GSN: variants seen among roughly 807,000 people sequenced by gnomAD.
GSN encodes gelsolin.
GSN carries 56 observed loss-of-function variants against 85.7 expected under a neutral mutation model. The observed-to-expected ratio is 0.65, with a 90% CI of 0.53 to 0.82. The LOEUF is 0.82. Ranked by LOEUF, GSN falls within the 40% of genes least tolerant of loss-of-function variation. The pLI, the probability that GSN is intolerant of heterozygous loss-of-function variation, is 0.00. For synonymous variants in GSN, 373 were observed against 399.1 expected, an observed-to-expected ratio of 0.93 and a Z score of 0.78; for missense variants, 857 against 979.8, an observed-to-expected ratio of 0.87 and a Z score of 1.67.
At chr9:121,218,499 A>T (rs899806473) in intron 4 of GSN, among the ~76,000 whole-genome samples, 1 of 152,142 alleles carries the variant, frequency 6.6e-6, no homozygotes, top group African/African-American at 2.4e-5. Context: ...ACCAGGCATC[A>T]TGACGTGTAC....
chr9:121,222,088 G>A (rs2054180825), intron 4 of GSN: 1 of 148,686 alleles, frequency 6.7e-6, no homozygotes, highest in Non-Finnish European at 1.5e-5. Context: ...AGGGAGAATA[G>A]GTGGGTTTTT....
chr9:121,303,157 C>G (rs1264385875), intron 4 of GSN, 92 bp downstream of exon 4: 1 of 1,244,744 alleles, frequency 8.0e-7, no homozygotes, highest in Non-Finnish European at 1.2e-6. Flanking sequence ...CCTTGTGATG[C>G]AGTGGGCAGA....
chr9:121,286,699 C>A (rs780837932), intron 2 of GSN: 323 of 1,535,098 alleles, frequency 2.1e-4, no homozygotes, highest in Non-Finnish European at 2.7e-4. Context: ...GATTGAACAG[C>A]CACTGTGGCC....
rs2058031026 is a variant in GSN at position 121,286,080 on chromosome 9, TAG to T, written c.-10+4519_-10+4520del. On this transcript the variant is annotated intron_variant, in intron 2 of 17. Coordinates refer to ENST00000432226, the MANE Select transcript of GSN (RefSeq NM_198252.3). Reference sequence around the variant, plus strand: ...CCAGACTAATCCTGAGTCCTATTTATAGGCTGAGATGATTAGGTTGGCCTGTG... The same window carrying T: ...CCAGACTAATCCTGAGTCCTATTTATGCTGAGATGATTAGGTTGGCCTGTG... The T allele has an allele frequency of 2.0e-6, 3 of 1,530,952 alleles. No individual in the cohort carries two copies. The African/African-American group carries it at 4.1e-5, about 21-fold the overall frequency. 94.8% of individuals were successfully genotyped at this position (1,530,952 alleles called of 1,614,324 possible). A position where few individuals can be genotyped will look rare whatever the true frequency, so the allele number is the denominator to read the frequency against.
At chr9:121,275,720 A>G (rs967612997) in intron 1 of GSN, among the ~76,000 whole-genome samples, 3 of 152,202 alleles carry the variant, frequency 2.0e-5, no homozygotes, top group African/African-American at 7.2e-5. Context: ...ATGCCTGCCT[A>G]GACTGTTCAG....
intron 2 of GSN, chr9:121,286,566 G>C (rs758011594): frequency 4.1e-6 from 6 of 1,457,928 alleles, no homozygotes; most frequent in Non-Finnish European, 5.4e-6. Context: ...CCGTGGCTCT[G>C]TTGGGCCATG....
chr9:121,259,729 T>C (rs968000136), intron 6 of GSN, among the ~76,000 whole-genome samples: 1 of 152,214 alleles, frequency 6.6e-6, no homozygotes, highest in Non-Finnish European at 1.5e-5. Context: ...CCGTGACTGT[T>C]GGCACCGGGG....
At chr9:121,291,076 G>A (rs1356716039) in intron 2 of GSN, among the ~76,000 whole-genome samples, 1 of 151,814 alleles carries the variant, frequency 6.6e-6, no homozygotes, top group Non-Finnish European at 1.5e-5. Context: ...ATTAAAAAAA[G>A]TAAAAATAAT....
intron 2 of GSN, among the ~76,000 whole-genome samples, chr9:121,287,288 G>GA (rs2058229848): frequency 6.6e-6 from 1 of 152,130 alleles, no homozygotes; most frequent in South Asian, 2.1e-4. Flanking sequence ...ACGAGAAGAG[G>GA]AAAGGGCTCT....
intron 5 of GSN, among the ~76,000 whole-genome samples, chr9:121,236,476 G>A (rs533898031): frequency 6.6e-6 from 1 of 152,212 alleles, no homozygotes; most frequent in East Asian, 1.9e-4. Context: ...GCCTCCCAAA[G>A]TGCCTGGATT....
Position 121,318,862 on chromosome 9 carries a change from T to C in GSN, c.1173T>C (p.Asp391=), listed in dbSNP as rs1355196200. 4.3e-6 allele frequency: 7 copies of C among 1,613,860 alleles called. No homozygotes were observed. The East Asian group carries it at 1.3e-4, about 31-fold the overall frequency. Residue 391 remains aspartate (D), a synonymous_variant, in exon 10 of 18, where the codon GAT becomes GAC. Transcript: ENST00000432226. The surrounding 1 kb of genome is among the most constrained non-coding windows in gnomAD (Gnocchi z 4.3). ...CCGCCCAGCACGGCATGGATGACGA[T>C]GGCACAGGCCAGAAACAGGTACGTT... The part of the protein sequence containing the change: ...AMAAQHGMDD[D]GTGQKQIWRI...
intron 4 of GSN, among the ~76,000 whole-genome samples, chr9:121,211,763 A>G (rs1251236144): frequency 6.6e-6 from 1 of 152,142 alleles, no homozygotes; most frequent in Non-Finnish European, 1.5e-5. Context: ...GGGCAGTTCA[A>G]GTAGATGGGG....
intron 4 of GSN, among the ~76,000 whole-genome samples, chr9:121,212,975 C>T (rs150055517): frequency 3.5e-3 from 536 of 152,108 alleles, no homozygotes; most frequent in African/African-American, 0.012. Context: ...ATCTTTTTCC[C>T]GTCCAGAGAT....
chr9:121,229,880 C>T (rs2054353472), intron 4 of GSN, among the ~76,000 whole-genome samples: 1 of 151,892 alleles, frequency 6.6e-6, no homozygotes, highest in Non-Finnish European at 1.5e-5. Flanking sequence ...ATCATGGTTG[C>T]AAAATAGTGT....
intron 1 of GSN, among the ~76,000 whole-genome samples, chr9:121,278,690 A>G (rs947744602): frequency 6.6e-6 from 1 of 152,202 alleles, no homozygotes; most frequent in African/African-American, 2.4e-5. Context: ...CCTTCTCTTT[A>G]TGGCTCCATC....
At chr9:121,246,188 G>T (rs2132219977) in intron 5 of GSN, among the ~76,000 whole-genome samples, 1 of 152,272 alleles carries the variant, frequency 6.6e-6, no homozygotes, top group Non-Finnish European at 1.5e-5. Flanking sequence ...TGTAAAAGCT[G>T]GGTGGTGGGC....
upstream of GSN, among the ~76,000 whole-genome samples, chr9:121,263,082 A>G (rs2055120091): frequency 1.3e-5 from 2 of 152,212 alleles, no homozygotes; most frequent in Admixed American, 6.5e-5. Context: ...CAGTGAGTCG[A>G]ATGGGGGAAG....
chr9:121,326,117 A>C (rs925502928), intron 12 of GSN, among the ~76,000 whole-genome samples: 6 of 149,216 alleles, frequency 4.0e-5, no homozygotes, highest in African/African-American at 1.5e-4. Flanking sequence ...TGGATCTAGA[A>C]TGCTCTGTTC....
chr9:121,293,346 A>G (rs1431671023), intron 2 of GSN, among the ~76,000 whole-genome samples: 1 of 151,856 alleles, frequency 6.6e-6, no homozygotes. Flanking sequence ...CCTCAACCTC[A>G]TCACCACTGG....
Sources: allele counts gnomAD v4.1 joint callset (sites outside exome capture counted in the v4.1 genomes callset), GRCh38; gene constraint gnomAD v4.1.1; non-coding constraint Gnocchi (gnomAD v3.1); transcripts MANE v1.5; gene names NCBI Gene and HGNC (gene_info 2026-07-23, HGNC 2026-07-21).